ACER3: variants seen among roughly 807,000 people sequenced by gnomAD.
ACER3 encodes alkCDase 3.
A neutral mutation model predicts 48.9 loss-of-function variants in ACER3; 16 were observed. The ratio of observed to expected loss-of-function variants is 0.33; its 90% CI spans 0.22 to 0.50. The LOEUF is 0.50. Among genes scored for constraint, ACER3 ranks in the 20% least tolerant of loss-of-function variants. The probability of loss-of-function intolerance (pLI) is 0.98; values close to 1 mark genes in which losing one functional copy is unlikely to be tolerated. For missense variants in ACER3, 227 were observed against 326.0 expected, an observed-to-expected ratio of 0.70 and a Z score of 2.34; for synonymous variants, 109 against 107.8, an observed-to-expected ratio of 1.01 and a Z score of -0.07.
At chr11:76,907,640 G>A (rs117463588) in intron 1 of ACER3, among the ~76,000 whole-genome samples, 2,297 of 152,270 alleles carry the variant, frequency 0.015, 59 homozygotes, top group East Asian at 0.12. Flanking sequence ...GGAGGCCAAT[G>A]TAGGTGGATC....
intron 1 of ACER3, among the ~76,000 whole-genome samples, chr11:76,899,202 T>C (rs1266666602): frequency 6.6e-6 from 1 of 152,218 alleles, no homozygotes; most frequent in Non-Finnish European, 1.5e-5. Context: ...CCCATATCTA[T>C]TGGTACCTGG....
Position 77,023,831 on chromosome 11 carries a change from T to C in ACER3, c.*3504T>C, listed in dbSNP as rs1949506836. On this transcript the variant is annotated 3_prime_UTR_variant, in exon 11 of 11. Transcript: ENST00000532485. The stretch of plus-strand genomic sequence containing the variant: ...GCTCATGCCTGTAATCCCAGCACTT[T>C]GGGAGGCCGAGGTGAGCAGATCACA... The C allele has an allele frequency of 6.6e-6, 1 of 152,212 alleles. No homozygotes were observed. The highest frequency in any genetic ancestry group is 2.4e-5 in the African/African-American group (1 of 41,384). 9.4% of individuals were successfully genotyped at this position (152,212 alleles called of 1,614,324 possible).
intron 7 of ACER3, among the ~76,000 whole-genome samples, chr11:77,001,911 A>G (rs1949039209): frequency 6.6e-6 from 1 of 152,202 alleles, no homozygotes; most frequent in African/African-American, 2.4e-5. Context: ...GGAGGCTAGA[A>G]GTCTGAGACT....
At chr11:77,011,279 C>T in intron 7 of ACER3, 9 of 967,360 alleles carry the variant, frequency 9.3e-6, no homozygotes, top group Non-Finnish European at 1.1e-5. Context: ...CTTGCTCTCC[C>T]CTTCCCGCCC....
At chr11:76,947,838 G>T (rs1411827419) in intron 2 of ACER3, among the ~76,000 whole-genome samples, 1 of 152,184 alleles carries the variant, frequency 6.6e-6, no homozygotes, top group African/African-American at 2.4e-5. Context: ...ATGATTTTCA[G>T]ATAACTACAT....
At chr11:76,975,874 CTTTTTTTTT>C (rs34786738) in intron 3 of ACER3, among the ~76,000 whole-genome samples, 2 of 82,772 alleles carry the variant, frequency 2.4e-5, no homozygotes, top group African/African-American at 8.9e-5. Context: ...TTTTTCTTTT[CTTTTTTTTT>C]TTTTTTTTTT....
At chr11:76,971,274 G>A (rs4944130) in intron 3 of ACER3, among the ~76,000 whole-genome samples, 60,662 of 152,014 alleles carry the variant, frequency 0.4, 14,838 homozygotes, top group Non-Finnish European at 0.56. Flanking sequence ...GAGCGCAGTG[G>A]TTCACGCCTG....
intron 2 of ACER3, among the ~76,000 whole-genome samples, chr11:76,932,021 T>C (rs1178642567): frequency 6.7e-6 from 1 of 148,294 alleles, no homozygotes; most frequent in Non-Finnish European, 1.5e-5. Flanking sequence ...CAATCTTGGC[T>C]CACTGCAGCC....
chr11:76,996,911 A>T (rs1036843716), intron 6 of ACER3, among the ~76,000 whole-genome samples: 1 of 151,632 alleles, frequency 6.6e-6, no homozygotes, highest in Admixed American at 6.6e-5. Context: ...TTTTTAGTAG[A>T]GATGGGGTTT....
At chr11:76,924,071 C>G (rs1042334648) in intron 1 of ACER3, among the ~76,000 whole-genome samples, 6 of 152,082 alleles carry the variant, frequency 3.9e-5, no homozygotes, top group Non-Finnish European at 5.9e-5. Context: ...CATCAGGGAG[C>G]CTGCCAAGGT....
chr11:76,886,666 A>G (rs980600933), intron 1 of ACER3, among the ~76,000 whole-genome samples: 1 of 152,114 alleles, frequency 6.6e-6, no homozygotes, highest in African/African-American at 2.4e-5. Flanking sequence ...TAGGTACTCA[A>G]GGTACTATGG....
rs968272196 is a variant in ACER3, at chr11:76,911,379, C to T, written c.104-15178C>T. The stretch of plus-strand genomic sequence containing the variant: ...CGTGGCACTGGTGGGAGTGTCTTTT[C>T]GCATGCTAATGCATTATAATTAGCA... On this transcript the variant is annotated intron_variant, in intron 1 of 10. Coordinates refer to ENST00000532485, the MANE Select transcript of ACER3 (RefSeq NM_018367.7). Among the ~76,000 whole-genome samples the T allele has an allele frequency of 9.9e-5, 15 of 152,084 alleles. No individual in the cohort carries two copies. The East Asian group carries it at 1.9e-3, about 20-fold the overall frequency.
intron 7 of ACER3, among the ~76,000 whole-genome samples, chr11:77,001,177 A>G (rs1047983981): frequency 6.6e-6 from 1 of 152,204 alleles, no homozygotes; most frequent in South Asian, 2.1e-4. Flanking sequence ...ATATAGATAC[A>G]CAATTGATTA....
At chr11:77,014,952 C>T in intron 7 of ACER3, 64 bp from the exon 8 acceptor site, 1 of 989,574 alleles carries the variant, frequency 1.0e-6, no homozygotes, top group Admixed American at 1.9e-5. Flanking sequence ...GTGATGGCTT[C>T]AATTTCTGAT....
chr11:76,877,520 T>TC (rs141197129), intron 1 of ACER3, among the ~76,000 whole-genome samples: 2,761 of 152,058 alleles, frequency 0.018, 107 homozygotes, highest in Admixed American at 0.081. Context: ...TTCCTTTTTT[T>TC]CCCCCCCATT....
intron 1 of ACER3, among the ~76,000 whole-genome samples, chr11:76,908,633 A>G (rs1168184881): frequency 1.3e-5 from 2 of 152,200 alleles, no homozygotes; most frequent in Non-Finnish European, 2.9e-5. Context: ...CCATGCTCAC[A>G]GATAGAAAGA....
At chr11:76,868,249 C>G in intron 1 of ACER3, 1 of 1,288,938 alleles carries the variant, frequency 7.8e-7, no homozygotes, top group Non-Finnish European at 1.0e-6. Flanking sequence ...ATGCTCCTTT[C>G]TCTGAAGGTT....
At chr11:76,908,382 T>C (rs1337975208) in intron 1 of ACER3, among the ~76,000 whole-genome samples, 1 of 152,200 alleles carries the variant, frequency 6.6e-6, no homozygotes, top group Non-Finnish European at 1.5e-5. Flanking sequence ...CTCCTTAAGC[T>C]GATAAGCAAC....
At chr11:76,925,458 T>C (rs1469680612) in intron 1 of ACER3, among the ~76,000 whole-genome samples, 1 of 152,252 alleles carries the variant, frequency 6.6e-6, no homozygotes, top group Admixed American at 6.5e-5. Context: ...CTCTGTCAAA[T>C]GCCCATTGGC....
Sources: allele counts gnomAD v4.1 joint callset (sites outside exome capture counted in the v4.1 genomes callset), GRCh38; gene constraint gnomAD v4.1.1; transcripts MANE v1.5; gene names NCBI Gene and HGNC (gene_info 2026-07-23, HGNC 2026-07-21).